The following SETD9 variants were observed in gnomAD, a reference collection of about 807,000 sequenced individuals.
SETD9 encodes the protein SET domain-containing protein 9.
A neutral mutation model predicts 36.4 loss-of-function variants in SETD9; 37 were observed. That is an observed-to-expected ratio of 1.02 (90% CI 0.78 to 1.34). The LOEUF (loss-of-function observed/expected upper bound fraction) is 1.34, where lower values mean the gene tolerates loss of function less well. Among genes scored for constraint, SETD9 ranks in the 40% most tolerant of loss-of-function variants. The pLI, the probability that SETD9 is intolerant of heterozygous loss-of-function variation, is 0.00. For synonymous variants in SETD9, 128 were observed against 132.9 expected (o/e 0.96, Z 0.26); for missense variants, 323 against 353.2 (o/e 0.91, Z 0.69).
downstream of SETD9, chr5:56,922,037 T>C (rs529272020): frequency 9.2e-5 from 14 of 152,750 alleles, no homozygotes; most frequent in East Asian, 2.3e-3. Context: ...GGAACTCACA[T>C]TATTCTTGCC....
At position 56,909,900 on chromosome 5, in the gene SETD9, G is replaced by A. The variant is rs1579804243; in HGVS notation, c.98+157G>A. On this transcript the variant is annotated intron_variant, in intron 1 of 5. Coordinates refer to ENST00000285947, the MANE Select transcript of SETD9 (RefSeq NM_153706.4). ...ACTGAGGTGGGCGGGCCGGGTGGGC[G>A]GGGACTGAGGCCTCGGAGGGGTTTA... Among the ~76,000 whole-genome samples the A allele has an allele frequency of 2.0e-5, 3 of 150,840 alleles. No individual in the cohort carries two copies. In the South Asian group the frequency reaches 6.3e-4, roughly 32 times the overall value.
At chr5:56,912,885 C>T (rs539846890) in intron 2 of SETD9, 126 bp from the exon 3 acceptor site, 19 of 941,962 alleles carry the variant, frequency 2.0e-5, no homozygotes, top group Admixed American at 7.0e-5. Flanking sequence ...TGCTATTGGG[C>T]GTTCACGCTT....
In SETD9 at chr5:56,914,847, G is replaced by A; in HGVS notation, c.707-14G>A. ...TAATGGCTCTTTTTCTAAAAATGAT[G>A]TGCTTGTTCCTAGACAGAGCAGCTA... On this transcript the variant is annotated splice_polypyrimidine_tract_variant and intron_variant, in intron 4 of 5. Transcript: ENST00000285947. 1 of 1,535,300 alleles carries A rather than the reference G, an allele frequency of 6.5e-7. No individual in the cohort carries two copies. The highest frequency in any genetic ancestry group is 8.8e-7 in the Non-Finnish European group (1 of 1,130,710).
downstream of SETD9, among the ~76,000 whole-genome samples, chr5:56,918,035 C>G (rs1749501686): frequency 6.6e-6 from 1 of 152,168 alleles, no homozygotes; most frequent in Admixed American, 6.5e-5. Flanking sequence ...TCCTGTCCCC[C>G]TTACAGAACA....
rs1265354227 is a variant in SETD9, at chr5:56,917,094, T to G, written c.*192T>G. On this transcript the variant is annotated 3_prime_UTR_variant, in exon 6 of 6. Transcript: ENST00000285947. ...ATAAAAGCTACTTGCTTCATTACAA[T>G]TTCAAATTTGTAATGCAATTCCAAG... The G allele has an allele frequency of 1.9e-5, 24 of 1,265,710 alleles. No homozygotes were observed. Among genetic ancestry groups the G allele is most frequent in the Non-Finnish European group, 2.2e-5 (22 of 1,008,534 alleles). 78.4% of individuals were successfully genotyped at this position (1,265,710 alleles called of 1,614,324 possible). A position where few individuals can be genotyped will look rare whatever the true frequency, so the allele number is the denominator to read the frequency against.
chr5:56,913,885 G>T lies in SETD9; in HGVS notation c.602G>T (p.Gly201Val). 6.2e-7 allele frequency: 1 copy of T among 1,609,212 alleles called. No individual in the cohort carries two copies. The highest frequency in any genetic ancestry group is 8.5e-7 in the Non-Finnish European group (1 of 1,175,726). Residue 201 changes from glycine (G) to valine (V), a missense_variant, in exon 4 of 6, where the codon GGG (glycine) becomes GTG (valine). Coordinates refer to ENST00000285947, the MANE Select transcript of SETD9 (RefSeq NM_153706.4). Reference sequence around the variant, plus strand: ...TTCACTTGTTTCAGATCTTGCAATGGGAGGGATCGACTCGGCCCTTTAAAA... The same window carrying T: ...TTCACTTGTTTCAGATCTTGCAATGTGAGGGATCGACTCGGCCCTTTAAAA... ...ISKVVYRSCN[G>V]RDRLGPLKMS... is the part of the protein sequence containing the mutation.
downstream of SETD9, among the ~76,000 whole-genome samples, chr5:56,917,653 G>A (rs2112039820): frequency 6.6e-6 from 1 of 152,292 alleles, no homozygotes; most frequent in African/African-American, 2.4e-5. Flanking sequence ...TTCCTTCCCT[G>A]TGGACTCTGG....
downstream of SETD9, among the ~76,000 whole-genome samples, chr5:56,917,955 T>C (rs1215286917): frequency 2.0e-5 from 3 of 152,224 alleles, no homozygotes; most frequent in African/African-American, 7.2e-5. Flanking sequence ...CTTCACTTCC[T>C]TACCACCAGC....
intron 5 of SETD9, chr5:56,923,129 C>T: frequency 6.2e-7 from 1 of 1,611,442 alleles, no homozygotes; most frequent in Non-Finnish European, 8.5e-7. Context: ...TCACTCAGGT[C>T]ACTCAGAGTG....
In SETD9 at chr5:56,917,179, CT is replaced by C; in HGVS notation, c.*279del. 1 of 1,091,410 alleles carries C rather than the reference CT, an allele frequency of 9.2e-7. No homozygotes were observed. Among genetic ancestry groups the C allele is most frequent in the Non-Finnish European group, 1.1e-6 (1 of 899,608 alleles). 67.6% of individuals were successfully genotyped at this position (1,091,410 alleles called of 1,614,324 possible). ...ATTAAATTAAAACCTACTCTTTGAA[CT>C]TATAATTTCAATTTTTCTTTTGTTT... is the stretch of plus-strand genomic sequence containing the variant. On this transcript the variant is annotated 3_prime_UTR_variant, in exon 6 of 6. Transcript: ENST00000285947.
At chr5:56,915,231 A>G (rs140306259) in intron 5 of SETD9, among the ~76,000 whole-genome samples, 3 of 152,250 alleles carry the variant, frequency 2.0e-5, no homozygotes, top group East Asian at 3.9e-4. Flanking sequence ...GTTTTTTCAA[A>G]TAATTCTGTT....
downstream of SETD9, among the ~76,000 whole-genome samples, chr5:56,918,727 A>AGAG (rs1490477682): frequency 1.2e-4 from 19 of 152,238 alleles, no homozygotes; most frequent in African/African-American, 4.6e-4. Context: ...TAACCAAAGC[A>AGAG]GAGGAGTCAA....
At chr5:56,912,907 A>G (rs1245297576) in intron 2 of SETD9, 104 bp from the exon 3 acceptor site, 3 of 1,257,800 alleles carry the variant, frequency 2.4e-6, no homozygotes, top group Non-Finnish European at 3.3e-6. Flanking sequence ...AAGAGGGAGA[A>G]AGTAACTAAA....
At chr5:56,925,369 C>T (rs114930085) in exon 6 of SETD9, 1 of 451,896 alleles carries the variant, frequency 2.2e-6, no homozygotes, top group Non-Finnish European at 4.4e-6. Flanking sequence ...TCCAAAGAAT[C>T]AACAAAAAAT....
chr5:56,925,303 A>G (rs1251839848), intron 5 of SETD9: 1 of 454,000 alleles, frequency 2.2e-6, no homozygotes, highest in Non-Finnish European at 4.4e-6. Flanking sequence ...CAGATTGGGA[A>G]GGAAGAAATA....
intron 2 of SETD9, 58 bp downstream of exon 2, chr5:56,911,594 G>C: frequency 6.8e-7 from 1 of 1,462,028 alleles, no homozygotes; most frequent in Non-Finnish European, 9.0e-7. Flanking sequence ...ATAAACATAA[G>C]TTCAGTAACA....
At chr5:56,912,128 C>T in intron 2 of SETD9, 1 of 957,454 alleles carries the variant, frequency 1.0e-6, no homozygotes, top group South Asian at 4.8e-5. Flanking sequence ...GCGCTCCAGC[C>T]TGGGTGACAG....
chr5:56,910,489 C>A (rs1292268196), intron 1 of SETD9: 2 of 1,059,484 alleles, frequency 1.9e-6, no homozygotes, highest in Non-Finnish European at 2.5e-6. Context: ...AGTCAGTGTC[C>A]GACAAATAGG....
chr5:56,919,178 T>C (rs1326850855), downstream of SETD9, among the ~76,000 whole-genome samples: 1 of 144,434 alleles, frequency 6.9e-6, no homozygotes, highest in East Asian at 2.0e-4. Flanking sequence ...CAGGCTGGAG[T>C]GCAATGGCAG....
Sources: gnomAD v4.1 joint callset for allele counts (sites outside exome capture counted in the v4.1 genomes callset) on GRCh38, gnomAD v4.1.1 for gene constraint, MANE v1.5 for transcripts, NCBI Gene and HGNC (gene_info 2026-07-23, HGNC 2026-07-21) for gene names.